The following FSTL5 variants were observed in gnomAD, a reference collection of about 807,000 sequenced individuals.
FSTL5 encodes the protein follistatin-related protein 5.
Under a neutral mutation model 89.1 loss-of-function variants are expected in FSTL5, and 62 were observed. That is an observed-to-expected ratio of 0.70 (90% CI 0.57 to 0.86). The LOEUF (loss-of-function observed/expected upper bound fraction) is 0.86. Among genes scored for constraint, FSTL5 ranks in the 40% least tolerant of loss-of-function variants. The pLI is 0.00. For synonymous variants in FSTL5, 383 were observed against 346.2 expected, an observed-to-expected ratio of 1.11 and a Z score of -1.18; for missense variants, 1,057 against 1,001.6, an observed-to-expected ratio of 1.06 and a Z score of -0.75.
chr4:161,417,188 G>A (rs1329359879), intron 15 of FSTL5, among the ~76,000 whole-genome samples: 1 of 152,100 alleles, frequency 6.6e-6, no homozygotes, highest in Non-Finnish European at 1.5e-5. Context: ...TATTTAACAA[G>A]CAGAAATAAC....
intron 7 of FSTL5, among the ~76,000 whole-genome samples, chr4:161,643,144 T>TTTTATATG (rs1401533687): frequency 2.0e-4 from 31 of 152,196 alleles, no homozygotes; most frequent in Admixed American, 1.4e-3. Context: ...GTGTTATATG[T>TTTTATATG]TTTAAATATA....
At chr4:161,579,454 A>G (rs1490590884) in intron 8 of FSTL5, among the ~76,000 whole-genome samples, 6 of 152,162 alleles carry the variant, frequency 3.9e-5, no homozygotes, top group Non-Finnish European at 7.3e-5. Context: ...ACGGTGGCTC[A>G]CACTTGTAAT....
chr4:161,646,063 T>A (rs543145355), intron 7 of FSTL5, among the ~76,000 whole-genome samples: 5 of 150,830 alleles, frequency 3.3e-5, no homozygotes, highest in East Asian at 1.9e-4. Flanking sequence ...TTAAAAAAAA[T>A]TTTGCAGATT....
intron 6 of FSTL5, among the ~76,000 whole-genome samples, chr4:161,744,744 T>G (rs1740136829): frequency 6.6e-6 from 1 of 152,014 alleles, no homozygotes. Flanking sequence ...TCAGAAACCT[T>G]TTTTTTTCGG....
intron 2 of FSTL5, among the ~76,000 whole-genome samples, chr4:162,103,884 A>G (rs1731101760): frequency 6.6e-6 from 1 of 152,204 alleles, no homozygotes; most frequent in Admixed American, 6.5e-5. Flanking sequence ...CCAATCATCT[A>G]TTGCCTGAGA....
chr4:161,612,704 T>A (rs887098221), intron 7 of FSTL5, among the ~76,000 whole-genome samples: 5 of 152,160 alleles, frequency 3.3e-5, no homozygotes, highest in Non-Finnish European at 7.4e-5. Flanking sequence ...CAGAAGAAAT[T>A]TCTTTTGTGG....
chr4:161,744,576 A>G (rs1437720899), intron 6 of FSTL5, among the ~76,000 whole-genome samples: 6 of 152,084 alleles, frequency 3.9e-5, no homozygotes, highest in African/African-American at 1.2e-4. Context: ...TCTGTTGGGG[A>G]TGTGACAAGG....
chr4:161,780,127 C>T (rs1264267494), intron 4 of FSTL5, among the ~76,000 whole-genome samples: 2 of 148,810 alleles, frequency 1.3e-5, no homozygotes, highest in Non-Finnish European at 3.0e-5. Flanking sequence ...GCAAATTTTA[C>T]ATTGCAATTG....
At chr4:161,892,235 C>A (rs775717637) in intron 4 of FSTL5, among the ~76,000 whole-genome samples, 17 of 152,048 alleles carry the variant, frequency 1.1e-4, no homozygotes, top group South Asian at 2.1e-4. Flanking sequence ...TTTCTACTAA[C>A]TTTTCAACTT....
intron 7 of FSTL5, among the ~76,000 whole-genome samples, chr4:161,595,870 A>T (rs1007818727): frequency 6.6e-6 from 1 of 151,908 alleles, no homozygotes; most frequent in African/African-American, 2.4e-5. Context: ...GTCCCTCCTT[A>T]TAGTTCTAAA....
intron 4 of FSTL5, among the ~76,000 whole-genome samples, chr4:161,911,088 G>A (rs1733677954): frequency 6.6e-6 from 1 of 151,956 alleles, no homozygotes; most frequent in African/African-American, 2.4e-5. Context: ...TGTTTGAATC[G>A]ACCATGATAC....
At chr4:162,084,658 C>A (rs1015650283) in intron 2 of FSTL5, among the ~76,000 whole-genome samples, 1 of 152,000 alleles carries the variant, frequency 6.6e-6, no homozygotes, top group African/African-American at 2.4e-5. Flanking sequence ...TCATTCTTAG[C>A]AGAGTAACAC....
intron 13 of FSTL5, among the ~76,000 whole-genome samples, chr4:161,469,640 ATTT>A (rs34810071): frequency 5.9e-5 from 8 of 136,060 alleles, no homozygotes; most frequent in Non-Finnish European, 4.7e-5. Context: ...TTATTTATCT[ATTT>A]TTTTTTTTTT....
At chr4:161,782,504 T>G (rs192032104) in intron 4 of FSTL5, among the ~76,000 whole-genome samples, 14 of 152,284 alleles carry the variant, frequency 9.2e-5, no homozygotes, top group Non-Finnish European at 1.8e-4. Flanking sequence ...TGATTATATT[T>G]TATAAGACCT....
intron 15 of FSTL5, among the ~76,000 whole-genome samples, chr4:161,419,440 G>A (rs868751842): frequency 3.4e-4 from 51 of 152,066 alleles, no homozygotes; most frequent in African/African-American, 1.2e-3. Context: ...AAAGAAAAAA[G>A]GAAGAAAATA....
In FSTL5 at chr4:161,385,536, A is replaced by C. The variant is rs1237616171; in HGVS notation, c.*211T>G. The C allele has an allele frequency of 2.1e-6, 1 of 465,496 alleles. No individual in the cohort carries two copies. The highest frequency in any genetic ancestry group is 3.8e-6 in the Non-Finnish European group (1 of 265,804). 28.8% of individuals were successfully genotyped at this position (465,496 alleles called of 1,614,324 possible). A position where few individuals can be genotyped will look rare whatever the true frequency, so the allele number is the denominator to read the frequency against. On this transcript the variant is annotated 3_prime_UTR_variant, in exon 16 of 16. Coordinates refer to ENST00000306100, the MANE Select transcript of FSTL5 (RefSeq NM_020116.5). Reference sequence around the variant, plus strand: ...CTTGTGACTGATGTGATTTCTCATTAAATATTGTGCTGAGTATTTCTAATT... The same window carrying C: ...CTTGTGACTGATGTGATTTCTCATTCAATATTGTGCTGAGTATTTCTAATT...
intron 7 of FSTL5, among the ~76,000 whole-genome samples, chr4:161,602,253 A>AAGAGAGAGAGAGAGAGAG (rs58991875): frequency 3.3e-5 from 4 of 122,800 alleles, no homozygotes; most frequent in African/African-American, 1.3e-4. Flanking sequence ...GAGGGAGAGA[A>AAGAGAGAGAGAGAGAGAG]AGAGAGAGAG....
chr4:161,683,808 C>A lies in FSTL5; in HGVS notation c.728-27314G>T, dbSNP rs1737609262. 2.0e-5 allele frequency among the ~76,000 whole-genome samples: 3 copies of A among 151,990 alleles called. No homozygotes were observed. The South Asian group carries it at 6.2e-4, about 32-fold the overall frequency. The stretch of plus-strand genomic sequence containing the variant: ...TGGTGTTTGGTTACATGAGTAAGTT[C>A]TTTAGTGGTGATTTGTCAGATTTTT... On this transcript the variant is annotated intron_variant, in intron 6 of 15. Coordinates refer to ENST00000306100, the MANE Select transcript of FSTL5 (RefSeq NM_020116.5).
At chr4:161,411,114 A>T (rs1731574557) in intron 15 of FSTL5, among the ~76,000 whole-genome samples, 1 of 152,150 alleles carries the variant, frequency 6.6e-6, no homozygotes, top group Admixed American at 6.5e-5. Flanking sequence ...CTAGAAGCAG[A>T]CAATCTCTCG....
Sources: allele counts gnomAD v4.1 joint callset (sites outside exome capture counted in the v4.1 genomes callset), GRCh38; gene constraint gnomAD v4.1.1; transcripts MANE v1.5; gene names NCBI Gene and HGNC (gene_info 2026-07-23, HGNC 2026-07-21).